The following EXT1 variants were observed in gnomAD, a reference collection of about 807,000 sequenced individuals.
EXT1 encodes the protein exostosin glycosyltransferase 1.
A neutral mutation model predicts 82.5 loss-of-function variants in EXT1; 20 were observed. That is an observed-to-expected ratio of 0.24 (90% CI 0.17 to 0.35). EXT1 has a LOEUF of 0.35. EXT1 is among the 10% of genes least tolerant of loss of function. The probability of loss-of-function intolerance (pLI) is 1.00; values close to 1 mark genes in which losing one functional copy is unlikely to be tolerated. For missense variants in EXT1, 757 were observed against 936.5 expected (o/e 0.81, Z 2.50); for synonymous variants, 348 against 350.8 (o/e 0.99, Z 0.09).
chr8:117,973,800 AGAAAGGAAAGG>A, intron 1 of EXT1, among the ~76,000 whole-genome samples: 2 of 43,362 alleles, frequency 4.6e-5, no homozygotes, highest in East Asian at 1.0e-3. Context: ...AAAAGAAAAG[AGAAAGGAAAGG>A]AAAGGAAAGG....
intron 1 of EXT1, among the ~76,000 whole-genome samples, chr8:117,898,781 T>C (rs901200586): frequency 1.3e-5 from 2 of 151,846 alleles, no homozygotes; most frequent in Admixed American, 6.6e-5. Context: ...AATGTATTTA[T>C]GGTAGATGGT....
At chr8:117,936,368 A>G (rs1051965647) in intron 1 of EXT1, among the ~76,000 whole-genome samples, 5 of 152,216 alleles carry the variant, frequency 3.3e-5, no homozygotes, top group African/African-American at 1.2e-4. Context: ...CCATTGGTTA[A>G]GAAGTGTGAG....
intron 1 of EXT1, among the ~76,000 whole-genome samples, chr8:117,940,780 T>G (rs909037076): frequency 6.6e-6 from 1 of 152,176 alleles, no homozygotes; most frequent in African/African-American, 2.4e-5. Flanking sequence ...CAGTAGGAGT[T>G]TGACCTGTGG....
intron 1 of EXT1, among the ~76,000 whole-genome samples, chr8:117,953,796 G>A (rs1196271370): frequency 1.3e-5 from 2 of 152,026 alleles, no homozygotes; most frequent in Non-Finnish European, 2.9e-5. Flanking sequence ...TGTAGTCCCA[G>A]CTACTCGGGA....
At chr8:117,926,750 C>G (rs1813959748) in intron 1 of EXT1, among the ~76,000 whole-genome samples, 1 of 152,172 alleles carries the variant, frequency 6.6e-6, no homozygotes, top group Admixed American at 6.5e-5. Context: ...TCAGACCCAA[C>G]AAAAACGCTT....
chr8:117,940,129 G>C (rs1814244066), intron 1 of EXT1, among the ~76,000 whole-genome samples: 1 of 152,226 alleles, frequency 6.6e-6, no homozygotes, highest in Non-Finnish European at 1.5e-5. Context: ...CCAACTGTCA[G>C]ATTCTGAGTG....
At chr8:117,858,700 G>C (rs1351574289) in intron 1 of EXT1, among the ~76,000 whole-genome samples, 1 of 137,602 alleles carries the variant, frequency 7.3e-6, no homozygotes, top group Admixed American at 7.5e-5. Flanking sequence ...AAGAAAGAAA[G>C]AAAGAAAAGA....
At chr8:118,040,833 A>G (rs921286796) in intron 1 of EXT1, among the ~76,000 whole-genome samples, 6 of 152,232 alleles carry the variant, frequency 3.9e-5, no homozygotes, top group African/African-American at 9.6e-5. Flanking sequence ...GCAATTGTTC[A>G]CGTCAGTTCT....
At chr8:117,877,338 A>T (rs1812988768) in intron 1 of EXT1, among the ~76,000 whole-genome samples, 1 of 152,132 alleles carries the variant, frequency 6.6e-6, no homozygotes, top group Non-Finnish European at 1.5e-5. Context: ...GAAGTAAGCA[A>T]TGGCCAACCC....
intron 1 of EXT1, among the ~76,000 whole-genome samples, chr8:117,946,695 C>A (rs974420930): frequency 6.6e-6 from 1 of 152,174 alleles, no homozygotes; most frequent in African/African-American, 2.4e-5. Context: ...AGGCATTGAT[C>A]CAGGGCAGGG....
At chr8:117,867,051 G>T (rs188327699) in intron 1 of EXT1, among the ~76,000 whole-genome samples, 370 of 152,192 alleles carry the variant, frequency 2.4e-3, no homozygotes, top group Non-Finnish European at 3.9e-3. Context: ...GCGAGGTCAG[G>T]AGTTCAAGAC....
chr8:117,861,488 C>CTTTTTTTT (rs755653091), intron 1 of EXT1, among the ~76,000 whole-genome samples: 7 of 86,850 alleles, frequency 8.1e-5, no homozygotes, highest in Non-Finnish European at 1.1e-4. Flanking sequence ...AAGTTTTTAT[C>CTTTTTTTT]TTTTTTTTTT....
intron 8 of EXT1, among the ~76,000 whole-genome samples, chr8:117,809,218 A>ATATATATATATAT (rs1823280806): frequency 9.3e-6 from 1 of 107,936 alleles, no homozygotes; most frequent in African/African-American, 3.1e-5. Flanking sequence ...TGTGTGTATA[A>ATATATATATATAT]ATATATATAT....
At position 117,806,655 on chromosome 8, in the gene EXT1, C is replaced by T. The variant is rs554983113; in HGVS notation, c.1883+562G>A. On this transcript the variant is annotated intron_variant, in intron 9 of 10. Coordinates refer to ENST00000378204, the MANE Select transcript of EXT1 (RefSeq NM_000127.3). ...TGCACATGTCCTCTTGACTTCCTGT[C>T]CTTCAAGTCTCTGCTCAAATCTCAC... is the stretch of plus-strand genomic sequence containing the variant. Among the ~76,000 whole-genome samples, 17 of 152,302 alleles carry T rather than the reference C, an allele frequency of 1.1e-4. No individual in the cohort carries two copies. In the East Asian group the frequency reaches 1.7e-3, roughly 16 times the overall value.
chr8:117,914,560 CCTA>C, intron 1 of EXT1, among the ~76,000 whole-genome samples: 1 of 152,216 alleles, frequency 6.6e-6, no homozygotes, highest in East Asian at 1.9e-4. Flanking sequence ...GAATTCTCTT[CCTA>C]GCAAGGAATA....
At chr8:117,868,557 TC>T (rs1420518163) in intron 1 of EXT1, among the ~76,000 whole-genome samples, 1 of 152,024 alleles carries the variant, frequency 6.6e-6, no homozygotes, top group African/African-American at 2.4e-5. Flanking sequence ...GCTCAAGAAA[TC>T]CTCCCACCTC....
chr8:117,953,074 G>A (rs1429341450), intron 1 of EXT1, among the ~76,000 whole-genome samples: 1 of 152,018 alleles, frequency 6.6e-6, no homozygotes, highest in Non-Finnish European at 1.5e-5. Flanking sequence ...TTTCCCCACT[G>A]TGTCCAAATA....
At chr8:117,965,463 T>G (rs1374781269) in intron 1 of EXT1, among the ~76,000 whole-genome samples, 1 of 152,168 alleles carries the variant, frequency 6.6e-6, no homozygotes, top group Non-Finnish European at 1.5e-5. Context: ...GGGAATTACC[T>G]TGAAAGACCA....
At chr8:117,977,240 A>G (rs577656984) in intron 1 of EXT1, among the ~76,000 whole-genome samples, 44 of 152,130 alleles carry the variant, frequency 2.9e-4, no homozygotes, top group Admixed American at 2.6e-3. Context: ...TAGAAAAATT[A>G]GCTGAGCGTG....
Sources: allele counts gnomAD v4.1 joint callset (sites outside exome capture counted in the v4.1 genomes callset), GRCh38; gene constraint gnomAD v4.1.1; transcripts MANE v1.5; gene names NCBI Gene and HGNC (gene_info 2026-07-23, HGNC 2026-07-21).